Variants in EEF1A2 observed in about 807,000 individuals in gnomAD.
The protein encoded by EEF1A2 is elongation factor 1-alpha 2.
In EEF1A2, 5 loss-of-function variants were observed where a neutral mutation model predicts 39.3. The observed-to-expected ratio is 0.13, with a 90% CI of 0.07 to 0.27. The LOEUF is 0.27. Ranked by LOEUF, EEF1A2 falls within the 10% of genes least tolerant of loss-of-function variation. EEF1A2 has a pLI of 1.00. For missense variants in EEF1A2, 218 were observed against 681.4 expected, an observed-to-expected ratio of 0.32 and a Z score of 7.57; for synonymous variants, 287 against 293.7, an observed-to-expected ratio of 0.98 and a Z score of 0.23.
At chr20:63,496,180 C>T (rs1177040623) in intron 2 of EEF1A2, 145 bp from the exon 3 acceptor site, 23 of 988,314 alleles carry the variant, frequency 2.3e-5, no homozygotes, top group Admixed American at 5.3e-5. Flanking sequence ...GGTCCTGGGA[C>T]GCCGGCCCCC....
At chr20:63,496,068 G>T in intron 2 of EEF1A2, 33 bp from the exon 3 acceptor site, 2 of 1,608,870 alleles carry the variant, frequency 1.2e-6, no homozygotes, top group South Asian at 1.1e-5. Context: ...CTGAGGGCGG[G>T]ACCCGGGACC....
intron 5 of EEF1A2, among the ~76,000 whole-genome samples, chr20:63,491,902 ATGGATGGATGGG>A (rs2082382635): frequency 9.0e-6 from 1 of 111,150 alleles, no homozygotes; most frequent in South Asian, 3.6e-4. Context: ...GGATGGATGG[ATGGATGGATGGG>A]GGGATAGATG....
At chr20:63,492,539 T>TGGAA (rs2082392642) in intron 5 of EEF1A2, among the ~76,000 whole-genome samples, 2 of 145,636 alleles carry the variant, frequency 1.4e-5, no homozygotes, top group African/African-American at 5.2e-5. Context: ...GATGGAAGGA[T>TGGAA]GGATGGATGG....
chr20:63,496,260 G>A (rs1301053081), intron 2 of EEF1A2: 8 of 582,586 alleles, frequency 1.4e-5, no homozygotes, highest in Admixed American at 6.2e-5. Flanking sequence ...AAATGGGCGC[G>A]GCTACGCAGG....
At position 63,498,306 on chromosome 20, in the gene EEF1A2, C is replaced by A. The variant is rs2082427723; in HGVS notation, c.-71-472G>T. 1 of 152,558 alleles carries A rather than the reference C, an allele frequency of 6.6e-6. No homozygotes were observed. Among genetic ancestry groups the A allele is most frequent in the Admixed American group, 6.5e-5 (1 of 15,304 alleles). 9.5% of individuals were successfully genotyped at this position (152,558 alleles called of 1,614,324 possible). On this transcript the variant is annotated intron_variant, in intron 1 of 7. Transcript: ENST00000217182. This position sits in a 1 kb window ranked among gnomAD's most constrained non-coding sequence, Gnocchi z 4.1. ...AGAGATGGCCACTGCTCCCCACTCC[C>A]CTCCTCAGGCAGGGACGGCGCCATC...
In EEF1A2 at chr20:63,490,500, C is replaced by T. The variant is rs200662984; in HGVS notation, c.1008G>A (p.Glu336=). Residue 336 remains glutamate (E), a synonymous_variant, in exon 6 of 8, where the codon GAG becomes GAA. Transcript: ENST00000217182. ...CGDSKSDPPQ[E]AAQFTSQVII... ...CCACCTGGGAGGTGAACTGAGCAGC[C>T]TCCTGCGGCGGGTCAGACTTGCTGT... 1.2e-6 allele frequency: 2 copies of T among 1,611,904 alleles called. No homozygotes were observed. Among genetic ancestry groups the T allele is most frequent in the Non-Finnish European group, 8.5e-7 (1 of 1,179,296 alleles).
Position 63,498,911 on chromosome 20 carries a change from A to G in EEF1A2, c.-72+147T>C. ...CCCCACCCCGGGCCCAGCCCGGCCG[A>G]CGCGGGGACCCCCGGAAGCCGGACT... is the stretch of plus-strand genomic sequence containing the variant. On this transcript the variant is annotated intron_variant, in intron 1 of 7. Coordinates refer to ENST00000217182, the MANE Select transcript of EEF1A2 (RefSeq NM_001958.5). The surrounding 1 kb of genome is among the most constrained non-coding windows in gnomAD (Gnocchi z 4.1). 1 of 149,372 alleles carries G rather than the reference A, an allele frequency of 6.7e-6. No homozygotes were observed. The allele number at this position is 149,372 out of a possible 1,614,324, so 9.3% of individuals were successfully genotyped here.
chr20:63,489,510 C>T (rs1308419525), intron 6 of EEF1A2, among the ~76,000 whole-genome samples: 2 of 152,088 alleles, frequency 1.3e-5, no homozygotes, highest in Non-Finnish European at 2.9e-5. Context: ...AGGCCAGGCA[C>T]GGTGGCTCAC....
chr20:63,488,336 T>C lies in EEF1A2; in HGVS notation c.1354A>G (p.Thr452Ala). ...TTCTGCGCCTTCTGCGCCGACTTGG[T>C]GACCTTGCCGGCGCCGCCGCTCTTC... is the stretch of plus-strand genomic sequence containing the variant. ...EKKSGGAGKV[T>A]KSAQKAQKAG... Residue 452 changes from threonine (T) to alanine (A), a missense_variant, in exon 8 of 8, where the codon ACC (threonine) becomes GCC (alanine). Physicochemically the swap from Thr to Ala is moderately conservative, Grantham distance 58. Coordinates refer to ENST00000217182, the MANE Select transcript of EEF1A2 (RefSeq NM_001958.5). The C allele has an allele frequency of 2.1e-6, 3 of 1,460,862 alleles. No individual in the cohort carries two copies. The highest frequency in any genetic ancestry group is 1.5e-5 in the African/African-American group (1 of 67,624). The allele number at this position is 1,460,862 out of a possible 1,614,324, so 90.5% of individuals were successfully genotyped here. A position where few individuals can be genotyped will look rare whatever the true frequency, so the allele number is the denominator to read the frequency against.
At chr20:63,488,817 G>A (rs1244012461) in intron 7 of EEF1A2, 101 bp downstream of exon 7, 2 of 1,270,652 alleles carry the variant, frequency 1.6e-6, no homozygotes, top group Non-Finnish European at 2.2e-6. Context: ...AGGAAAGGGG[G>A]CCCACTGCTG....
chr20:63,494,401 C>T (rs569476335), intron 4 of EEF1A2, among the ~76,000 whole-genome samples: 1 of 152,328 alleles, frequency 6.6e-6, no homozygotes, highest in South Asian at 2.1e-4. Context: ...GGGAGGCAGC[C>T]AAGGAGGCCC....
At chr20:63,493,105 G>A (rs1286177923) in intron 5 of EEF1A2, 32 bp downstream of exon 5, 1 of 1,540,962 alleles carries the variant, frequency 6.5e-7, no homozygotes, top group Non-Finnish European at 8.8e-7. Context: ...GAGCTGGCCA[G>A]GCAGGAGCTC....
chr20:63,490,886 G>T, intron 5 of EEF1A2, 151 bp from the exon 6 acceptor site: 1 of 890,088 alleles, frequency 1.1e-6, no homozygotes, highest in Non-Finnish European at 1.7e-6. Flanking sequence ...GAGTGCAGGG[G>T]AAGGGAGGCC....
intron 6 of EEF1A2, chr20:63,490,235 T>G: frequency 6.9e-6 from 3 of 433,702 alleles, no homozygotes; most frequent in Non-Finnish European, 8.3e-6. Flanking sequence ...CCTGGCTAAT[T>G]TTTGTATTTT....
At position 63,497,559 on chromosome 20, in the gene EEF1A2, G is replaced by A. The variant is rs2082424046; in HGVS notation, c.144+61C>T. Reference sequence around the variant, plus strand: ...CTGGGGCTGGGAGATGCCAAGCCTGGCCACCACGGGAGTTGGGGGTTCCTT... The same window carrying A: ...CTGGGGCTGGGAGATGCCAAGCCTGACCACCACGGGAGTTGGGGGTTCCTT... On this transcript the variant is annotated intron_variant, in intron 2 of 7. Coordinates refer to ENST00000217182, the MANE Select transcript of EEF1A2 (RefSeq NM_001958.5). This position sits in a 1 kb window ranked among gnomAD's most constrained non-coding sequence, Gnocchi z 7.3. 6.4e-7 allele frequency: 1 copy of A among 1,567,106 alleles called. No homozygotes were observed. The highest frequency in any genetic ancestry group is 1.4e-5 in the African/African-American group (1 of 74,022).
rs940466607 is a variant in EEF1A2, at chr20:63,495,853, C to T, written c.324+3G>A. 1.2e-6 allele frequency: 2 copies of T among 1,612,640 alleles called. No homozygotes were observed. The highest frequency in any genetic ancestry group is 1.7e-6 in the Non-Finnish European group (2 of 1,179,776). The stretch of plus-strand genomic sequence containing the variant: ...CCAGCCCCGCCTGCTGTGCCCTGCT[C>T]ACCTGGGATGTACCCGTGATCATGT... On this transcript the variant is annotated splice_donor_region_variant and intron_variant, in intron 3 of 7. Coordinates refer to ENST00000217182, the MANE Select transcript of EEF1A2 (RefSeq NM_001958.5).
chr20:63,491,915 G>GATGGAT (rs1209040677), intron 5 of EEF1A2, among the ~76,000 whole-genome samples: 1 of 59,482 alleles, frequency 1.7e-5, no homozygotes, highest in African/African-American at 6.6e-5. Flanking sequence ...GATGGATGGG[G>GATGGAT]GGATAGATGG....
At position 63,495,152 on chromosome 20, in the gene EEF1A2, C is replaced by T. The variant is rs752085535; in HGVS notation, c.325-51G>A. The T allele has an allele frequency of 3.2e-6, 5 of 1,579,326 alleles. No individual in the cohort carries two copies. The South Asian group carries it at 4.5e-5, about 14-fold the overall frequency. On this transcript the variant is annotated intron_variant, in intron 3 of 7. Transcript: ENST00000217182. ...CCTGCCCCGCCTGCCTGGCAGGGGA[C>T]AGAGCGAGCCTGGCCCCACCTCACT...
intron 2 of EEF1A2, 120 bp from the exon 3 acceptor site, chr20:63,496,155 C>G: frequency 8.0e-7 from 1 of 1,253,516 alleles, no homozygotes; most frequent in East Asian, 2.4e-5. Context: ...CCAGCACCCC[C>G]TTGCTCTCCG....
Sources: allele counts gnomAD v4.1 joint callset (sites outside exome capture counted in the v4.1 genomes callset), GRCh38; gene constraint gnomAD v4.1.1; non-coding constraint Gnocchi (gnomAD v3.1); transcripts MANE v1.5; gene names NCBI Gene and HGNC (gene_info 2026-07-23, HGNC 2026-07-21).